The following WASF1 variants were observed in gnomAD, a reference collection of about 807,000 sequenced individuals.
The protein encoded by WASF1 is actin-binding protein WASF1.
WASF1 carries 7 observed loss-of-function variants against 50.5 expected under a neutral mutation model. The ratio of observed to expected loss-of-function variants is 0.14; its 90% CI spans 0.08 to 0.26. The LOEUF (loss-of-function observed/expected upper bound fraction) is 0.26. Ranked by LOEUF, WASF1 falls within the 10% of genes least tolerant of loss-of-function variation. WASF1 has a pLI of 1.00. For missense variants in WASF1, 470 were observed against 694.7 expected (o/e 0.68, Z 3.64); for synonymous variants, 205 against 244.0 (o/e 0.84, Z 1.49).
intron 3 of WASF1, among the ~76,000 whole-genome samples, chr6:110,132,296 T>G (rs1774713416): frequency 6.6e-6 from 1 of 151,992 alleles, no homozygotes; most frequent in Non-Finnish European, 1.5e-5. Context: ...AGTGACGATT[T>G]CCTCCATTCT....
intron 6 of WASF1, among the ~76,000 whole-genome samples, chr6:110,108,114 G>A (rs889167978): frequency 1.5e-5 from 2 of 130,596 alleles, no homozygotes; most frequent in African/African-American, 6.0e-5. Flanking sequence ...AGTAAGCCTA[G>A]GTGACAAAGT....
At chr6:110,138,450 T>A (rs1206620862) in intron 3 of WASF1, among the ~76,000 whole-genome samples, 1 of 152,236 alleles carries the variant, frequency 6.6e-6, no homozygotes, top group African/African-American at 2.4e-5. Flanking sequence ...TTATAGCTCT[T>A]CCAGTCCTGC....
intron 2 of WASF1, among the ~76,000 whole-genome samples, chr6:110,163,475 TA>T (rs917438609): frequency 1.8e-4 from 27 of 151,478 alleles, no homozygotes; most frequent in African/African-American, 6.3e-4. Flanking sequence ...GGGGACTTTT[TA>T]AAAAAGGCAC....
chr6:110,148,204 A>G (rs1211327081), intron 3 of WASF1, among the ~76,000 whole-genome samples: 2 of 152,230 alleles, frequency 1.3e-5, no homozygotes, highest in African/African-American at 2.4e-5. Context: ...TGTACTTTAT[A>G]TGAAAAACGG....
chr6:110,102,301 TC>T, intron 9 of WASF1, 85 bp from the exon 10 acceptor site: 1 of 1,276,316 alleles, frequency 7.8e-7, no homozygotes, highest in Non-Finnish European at 1.0e-6. Flanking sequence ...TAAATGACTA[TC>T]AGTAATTATA....
At chr6:110,112,030 A>G (rs1022222732) in intron 5 of WASF1, among the ~76,000 whole-genome samples, 4 of 151,372 alleles carry the variant, frequency 2.6e-5, no homozygotes, top group African/African-American at 9.7e-5. Context: ...TACAAGTGGT[A>G]CAAATCTAGT....
At chr6:110,120,361 T>C (rs1182293029) in intron 4 of WASF1, among the ~76,000 whole-genome samples, 12 of 152,180 alleles carry the variant, frequency 7.9e-5, no homozygotes, top group Non-Finnish European at 1.5e-5. Flanking sequence ...ACAAAATCAA[T>C]GTGCAAAAAT....
intron 4 of WASF1, among the ~76,000 whole-genome samples, chr6:110,118,716 C>G (rs1453459017): frequency 6.6e-6 from 1 of 152,154 alleles, no homozygotes; most frequent in Non-Finnish European, 1.5e-5. Flanking sequence ...TACAGAACTC[C>G]ACACCCCAAA....
chr6:110,145,123 C>T (rs1775489906), intron 3 of WASF1, among the ~76,000 whole-genome samples: 1 of 152,156 alleles, frequency 6.6e-6, no homozygotes, highest in Non-Finnish European at 1.5e-5. Context: ...TTTGTATCCT[C>T]TTTTATTTCA....
At chr6:110,159,553 G>C (rs748200348) in intron 3 of WASF1, among the ~76,000 whole-genome samples, 2 of 151,846 alleles carry the variant, frequency 1.3e-5, no homozygotes, top group African/African-American at 2.4e-5. Flanking sequence ...ACCTGTTGGA[G>C]CCTAATGCCG....
Position 110,100,564 on chromosome 6 carries a change from C to T in WASF1, c.1638G>A (p.Ser546=), listed in dbSNP as rs543114951. 4.8e-5 allele frequency: 77 copies of T among 1,612,792 alleles called. No homozygotes were observed. The highest frequency in any genetic ancestry group is 1.7e-4 in the Middle Eastern group (1 of 6,050). Residue 546 remains serine (S), a synonymous_variant, in exon 11 of 11, where the codon TCG becomes TCA. Coordinates refer to ENST00000392589, the MANE Select transcript of WASF1 (RefSeq NM_003931.3). ...CTTCATCAAATTCTGAATCATCTTC[C>T]GAATCACTATATTCAACAGCAATAC... ...SRRIAVEYSD[S]EDDSEFDEVD... is the part of the protein sequence containing the mutation.
At chr6:110,146,602 C>T (rs928329785) in intron 3 of WASF1, among the ~76,000 whole-genome samples, 4 of 151,704 alleles carry the variant, frequency 2.6e-5, no homozygotes, top group Non-Finnish European at 5.9e-5. Context: ...GGTCTTTAAA[C>T]GGTGATTTAA....
At chr6:110,107,937 C>T (rs1433904704) in intron 6 of WASF1, among the ~76,000 whole-genome samples, 1 of 151,882 alleles carries the variant, frequency 6.6e-6, no homozygotes, top group Non-Finnish European at 1.5e-5. Flanking sequence ...GAGGCCAAGG[C>T]GGGTGGATCA....
In WASF1 at chr6:110,101,857, C is replaced by A; in HGVS notation, c.1253G>T (p.Gly418Val). 6.2e-7 allele frequency: 1 copy of A among 1,613,716 alleles called. No individual in the cohort carries two copies. The highest frequency in any genetic ancestry group is 1.1e-5 in the South Asian group (1 of 91,030). ...GGGTGGAGGCAGCCCCTGAACTTCACCTTGTGGGAGTGGATGAACTGGTAC... is the reference window on the plus strand; with the variant it reads ...GGGTGGAGGCAGCCCCTGAACTTCAACTTGTGGGAGTGGATGAACTGGTAC... ...ETVPVHPLPQ[G>V]EVQGLPPPPP... Residue 418 changes from glycine to valine, a missense_variant, in exon 10 of 11, where the codon GGT becomes GTT. By Grantham distance (109) the Gly-to-Val change is moderately radical. Coordinates refer to ENST00000392589, the MANE Select transcript of WASF1 (RefSeq NM_003931.3).
intron 4 of WASF1, among the ~76,000 whole-genome samples, chr6:110,123,335 G>GAA (rs1300372540): frequency 6.9e-6 from 1 of 145,890 alleles, no homozygotes; most frequent in African/African-American, 2.5e-5. Context: ...TACAACTTCT[G>GAA]AAAAAAAAAA....
chr6:110,154,726 C>G, intron 3 of WASF1, among the ~76,000 whole-genome samples: 1 of 151,932 alleles, frequency 6.6e-6, no homozygotes, highest in East Asian at 1.9e-4. Context: ...TAGGAACAAA[C>G]AAACACACCA....
intron 2 of WASF1, among the ~76,000 whole-genome samples, chr6:110,175,936 ATTTC>A (rs1385835771): frequency 5.9e-5 from 9 of 152,228 alleles, no homozygotes; most frequent in Admixed American, 1.3e-4. Context: ...TAATTTTATA[ATTTC>A]TTTAGTATTA....
chr6:110,108,089 G>T (rs1428730865), intron 6 of WASF1, among the ~76,000 whole-genome samples: 6 of 142,176 alleles, frequency 4.2e-5, no homozygotes, highest in African/African-American at 1.6e-4. Flanking sequence ...CATGAACCTG[G>T]GAGGCAGAGC....
At chr6:110,117,330 G>A (rs1773858711) in intron 4 of WASF1, among the ~76,000 whole-genome samples, 1 of 152,190 alleles carries the variant, frequency 6.6e-6, no homozygotes, top group African/African-American at 2.4e-5. Flanking sequence ...ACCTGATGGA[G>A]CTGAAAACCA....
Sources: allele counts gnomAD v4.1 joint callset (sites outside exome capture counted in the v4.1 genomes callset), GRCh38; gene constraint gnomAD v4.1.1; transcripts MANE v1.5; gene names NCBI Gene and HGNC (gene_info 2026-07-23, HGNC 2026-07-21).